Variants in ANKRD30B observed in about 807,000 individuals in gnomAD.
ANKRD30B encodes the protein ankyrin repeat domain-containing protein 30B.
ANKRD30B carries 144 observed loss-of-function variants against 202.2 expected under a neutral mutation model. That is an observed-to-expected ratio of 0.71 (90% CI 0.62 to 0.82). The LOEUF (loss-of-function observed/expected upper bound fraction) is 0.82. Among genes scored for constraint, ANKRD30B ranks in the 40% least tolerant of loss-of-function variants. The pLI, the probability that ANKRD30B is intolerant of heterozygous loss-of-function variation, is 0.00. For missense variants in ANKRD30B, 1,487 were observed against 1,669.1 expected, an observed-to-expected ratio of 0.89 and a Z score of 1.90; for synonymous variants, 508 against 561.3, an observed-to-expected ratio of 0.91 and a Z score of 1.34.
At chr18:14,761,299 C>T (rs759926585) in intron 6 of ANKRD30B, among the ~76,000 whole-genome samples, 1 of 152,178 alleles carries the variant, frequency 6.6e-6, no homozygotes, top group Non-Finnish European at 1.5e-5. Context: ...ATTACAGACA[C>T]CAAGGAAGGT....
At chr18:14,821,904 T>G in intron 30 of ANKRD30B, among the ~76,000 whole-genome samples, 1 of 152,242 alleles carries the variant, frequency 6.6e-6, no homozygotes, top group East Asian at 1.9e-4. Flanking sequence ...TAAACTTTCA[T>G]TCTATAAGTA....
chr18:14,882,242 T>C, the ANKRD30B span, among the ~76,000 whole-genome samples: 12 of 152,300 alleles, frequency 7.9e-5, no homozygotes, highest in South Asian at 2.5e-3. Flanking sequence ...TTGACATCAG[T>C]GTTTAGGGCT....
the ANKRD30B span, among the ~76,000 whole-genome samples, chr18:14,916,418 G>A: frequency 6.6e-5 from 10 of 152,200 alleles, no homozygotes; most frequent in African/African-American, 2.4e-4. Flanking sequence ...TTACAGAATA[G>A]GCTGAGTTCT....
the ANKRD30B span, among the ~76,000 whole-genome samples, chr18:14,903,080 T>C: frequency 3.3e-5 from 5 of 152,254 alleles, no homozygotes; most frequent in Non-Finnish European, 7.4e-5. Context: ...TGGAGGCTCT[T>C]GGGGAGCACC....
intron 37 of ANKRD30B, among the ~76,000 whole-genome samples, chr18:14,841,971 A>G (rs1269104044): frequency 2.0e-5 from 3 of 152,218 alleles, no homozygotes; most frequent in African/African-American, 7.2e-5. Flanking sequence ...TTTATTTTTA[A>G]TGAAGCAAAT....
chr18:14,895,384 T>TA, the ANKRD30B span, among the ~76,000 whole-genome samples: 6 of 152,356 alleles, frequency 3.9e-5, no homozygotes, highest in African/African-American at 1.2e-4. Context: ...GACAGTGCTG[T>TA]ACGCTGGCAA....
At chr18:14,800,379 C>T (rs2144002171) in intron 22 of ANKRD30B, among the ~76,000 whole-genome samples, 1 of 150,714 alleles carries the variant, frequency 6.6e-6, no homozygotes, top group East Asian at 2.0e-4. Context: ...GGCTGGAGAG[C>T]AGTGGTGTGA....
intron 26 of ANKRD30B, among the ~76,000 whole-genome samples, chr18:14,809,061 C>A (rs1016080019): frequency 1.4e-5 from 2 of 147,850 alleles, no homozygotes; most frequent in Non-Finnish European, 3.0e-5. Context: ...AAAGCTGGGT[C>A]CAGGGGAATC....
chr18:14,784,499 G>T lies in ANKRD30B; in HGVS notation c.1636G>T (p.Ala546Ser). ...VEMQKTVPNK[A>S]FELKNEQTLR... is the part of the protein sequence containing the mutation. ...AATGCAAAAGACTGTTCCAAATAAA[G>T]CCTTTGAATTGAAGAATGAACAAAC... Residue 546 changes from alanine (A) to serine (S), a missense_variant, in exon 14 of 44, where the codon GCC (alanine) becomes TCC (serine). By Grantham distance (99) the Ala-to-Ser change is moderately conservative (BLOSUM62 1). This residue lies in a region of ANKRD30B where 889 missense variants were observed against 841.4 expected (regional missense o/e 1.06). Transcript: ENST00000690538. 1 of 1,612,910 alleles carries T rather than the reference G, an allele frequency of 6.2e-7. No individual in the cohort carries two copies. The highest frequency in any genetic ancestry group is 8.5e-7 in the Non-Finnish European group (1 of 1,179,278).
At chr18:14,807,113 C>A (rs1969571768) in intron 24 of ANKRD30B, among the ~76,000 whole-genome samples, 1 of 150,972 alleles carries the variant, frequency 6.6e-6, no homozygotes, top group Admixed American at 6.6e-5. Context: ...TTTATGTCCC[C>A]TGAAGTGTCT....
At chr18:14,858,614 G>A (rs561562331), downstream of ANKRD30B, among the ~76,000 whole-genome samples, 1,138 of 124,484 alleles carry the variant, frequency 9.1e-3, 36 homozygotes, top group African/African-American at 0.034. Context: ...CAGATGGGGC[G>A]GCTGGGAAGA....
the ANKRD30B span, among the ~76,000 whole-genome samples, chr18:14,927,818 C>A: frequency 6.6e-6 from 1 of 152,136 alleles, no homozygotes; most frequent in East Asian, 1.9e-4. Flanking sequence ...AGTCTTATAC[C>A]AGCTATGTCC....
chr18:14,774,142 A>G (rs952445654), intron 9 of ANKRD30B, among the ~76,000 whole-genome samples: 2 of 152,124 alleles, frequency 1.3e-5, no homozygotes, highest in Admixed American at 1.3e-4. Context: ...ATGTCTTATT[A>G]TATAATAATA....
chr18:14,806,512 A>G (rs1969527924), intron 24 of ANKRD30B, among the ~76,000 whole-genome samples: 1 of 150,918 alleles, frequency 6.6e-6, no homozygotes, highest in Non-Finnish European at 1.5e-5. Flanking sequence ...CCTTTATAAA[A>G]AGAAAGTAAT....
At chr18:14,915,976 C>T in the ANKRD30B span, among the ~76,000 whole-genome samples, 19 of 152,112 alleles carry the variant, frequency 1.2e-4, no homozygotes, top group Non-Finnish European at 1.9e-4. Flanking sequence ...TTTGGAAGAA[C>T]GTGTGAAGGT....
chr18:14,750,047 C>G (rs1567973419), intron 1 of ANKRD30B, among the ~76,000 whole-genome samples: 1 of 151,872 alleles, frequency 6.6e-6, no homozygotes, highest in Non-Finnish European at 1.5e-5. Flanking sequence ...TTTATGTTGA[C>G]AAAACCTTTC....
chr18:14,936,176 C>A, the ANKRD30B span, among the ~76,000 whole-genome samples: 1 of 152,176 alleles, frequency 6.6e-6, no homozygotes, highest in Non-Finnish European at 1.5e-5. Context: ...GCATGTCTCA[C>A]AGCTTATGGA....
At chr18:14,913,694 T>C in the ANKRD30B span, among the ~76,000 whole-genome samples, 3 of 152,162 alleles carry the variant, frequency 2.0e-5, no homozygotes, top group African/African-American at 7.2e-5. Flanking sequence ...TAACAATGAC[T>C]GTAAAGAAGT....
At chr18:14,867,070 G>C in the ANKRD30B span, among the ~76,000 whole-genome samples, 1 of 148,506 alleles carries the variant, frequency 6.7e-6, no homozygotes, top group Non-Finnish European at 1.5e-5. Flanking sequence ...CAGTACCCCG[G>C]GCGTTCACTG....
Sources: gnomAD v4.1 joint callset for allele counts (sites outside exome capture counted in the v4.1 genomes callset) on GRCh38, gnomAD v4.1.1 for gene constraint, gnomAD v4.1.1 regional missense constraint, MANE v1.5 for transcripts, NCBI Gene and HGNC (gene_info 2026-07-23, HGNC 2026-07-21) for gene names.